CFAP58: variants seen among roughly 807,000 people sequenced by gnomAD.
The protein encoded by CFAP58 is cilia- and flagella-associated protein 58.
Under a neutral mutation model 119.5 loss-of-function variants are expected in CFAP58, and 88 were observed. The observed-to-expected ratio is 0.74, with a 90% confidence interval of 0.62 to 0.88. The LOEUF (loss-of-function observed/expected upper bound fraction) is 0.88. Among genes scored for constraint, CFAP58 ranks in the 40% least tolerant of loss-of-function variants. The probability of loss-of-function intolerance (pLI) is 0.00; values close to 1 mark genes in which losing one functional copy is unlikely to be tolerated. For synonymous variants in CFAP58, 365 were observed against 366.3 expected, an observed-to-expected ratio of 1.00 and a Z score of 0.04; for missense variants, 990 against 1,021.2, an observed-to-expected ratio of 0.97 and a Z score of 0.42.
At chr10:104,358,102 C>CATATATACACATATATATGTGCTT (rs2014617349) in intron 1 of CFAP58, among the ~76,000 whole-genome samples, 3 of 146,328 alleles carry the variant, frequency 2.1e-5, no homozygotes, top group African/African-American at 7.8e-5. Context: ...TATATATGTA[C>CATATATACACATATATATGTGCTT]ATATATACAC....
chr10:104,390,778 A>G (rs1327726374), intron 9 of CFAP58, among the ~76,000 whole-genome samples: 5 of 152,206 alleles, frequency 3.3e-5, no homozygotes, highest in Non-Finnish European at 7.3e-5. Flanking sequence ...TGTATATTTC[A>G]CATTTATGAA....
chr10:104,429,776 C>A lies in CFAP58; in HGVS notation c.2257-17922C>A, dbSNP rs149910755. 4.7e-3 allele frequency among the ~76,000 whole-genome samples: 713 copies of A among 152,270 alleles called. 1 individual carries two copies. The highest frequency in any genetic ancestry group is 0.037 in the Middle Eastern group (11 of 294). On this transcript the variant is annotated intron_variant, in intron 15 of 17. Coordinates refer to ENST00000369704, the MANE Select transcript of CFAP58 (RefSeq NM_001008723.2). Reference sequence around the variant, plus strand: ...TTTCATCTGTTGAGCTACTACCTACCCGGGTTGACTCTTGGGCTAGGCATA... The same window carrying A: ...TTTCATCTGTTGAGCTACTACCTACACGGGTTGACTCTTGGGCTAGGCATA...
intron 15 of CFAP58, among the ~76,000 whole-genome samples, chr10:104,430,353 A>G (rs1014046968): frequency 2.6e-5 from 4 of 152,224 alleles, no homozygotes; most frequent in African/African-American, 9.6e-5. Context: ...ACACAGGCTG[A>G]TCCAGTGATA....
chr10:104,354,267 A>C (rs2014510160), intron 1 of CFAP58, among the ~76,000 whole-genome samples: 1 of 152,182 alleles, frequency 6.6e-6, no homozygotes, highest in African/African-American at 2.4e-5. Context: ...CTTATCTCAC[A>C]GGGGAAACCG....
intron 9 of CFAP58, among the ~76,000 whole-genome samples, chr10:104,389,068 C>A (rs767937531): frequency 6.6e-6 from 1 of 152,186 alleles, no homozygotes; most frequent in East Asian, 1.9e-4. Context: ...CTAATGGGGA[C>A]AGCTTGCTGA....
At chr10:104,419,648 G>A (rs1019683185) in intron 15 of CFAP58, among the ~76,000 whole-genome samples, 5 of 151,338 alleles carry the variant, frequency 3.3e-5, no homozygotes, top group Non-Finnish European at 4.4e-5. Context: ...TGAGATGATG[G>A]TAAGAGGCAT....
intron 15 of CFAP58, among the ~76,000 whole-genome samples, chr10:104,408,524 T>G (rs2012402807): frequency 6.6e-6 from 1 of 152,230 alleles, no homozygotes; most frequent in African/African-American, 2.4e-5. Flanking sequence ...GGGTGGGACT[T>G]GGTCCCGGCA....
intron 1 of CFAP58, among the ~76,000 whole-genome samples, chr10:104,357,858 C>CGT (rs2014576236): frequency 1.3e-5 from 1 of 77,430 alleles, no homozygotes; most frequent in Non-Finnish European, 2.5e-5. Flanking sequence ...CACATATATA[C>CGT]ACATATATAC....
rs1236700235 is a variant in CFAP58 at position 104,368,579 on chromosome 10, G to C, written c.930+19G>C. 3 of 1,613,184 alleles carry C rather than the reference G, an allele frequency of 1.9e-6. No individual in the cohort carries two copies. The highest frequency in any genetic ancestry group is 2.5e-6 in the Non-Finnish European group (3 of 1,179,480). On this transcript the variant is annotated intron_variant, in intron 6 of 17. Coordinates refer to ENST00000369704, the MANE Select transcript of CFAP58 (RefSeq NM_001008723.2). ...GCTCAAAGTAAACACCAAGTTACAT[G>C]TCTGTTCCCTAGCTCTTTCTTCCTA...
intron 9 of CFAP58, among the ~76,000 whole-genome samples, chr10:104,383,476 A>G (rs1262543630): frequency 6.6e-6 from 1 of 152,176 alleles, no homozygotes; most frequent in Non-Finnish European, 1.5e-5. Flanking sequence ...ACAATTGTAT[A>G]TATTTCTTGG....
chr10:104,367,195 A>C (rs2014762034), intron 5 of CFAP58, among the ~76,000 whole-genome samples: 4 of 152,124 alleles, frequency 2.6e-5, no homozygotes, highest in Admixed American at 2.0e-4. Flanking sequence ...AAGTTTAGCA[A>C]ACTAGGGTCA....
intron 2 of CFAP58, among the ~76,000 whole-genome samples, 192 bp from the exon 3 acceptor site, chr10:104,361,831 C>A (rs2014670316): frequency 6.6e-6 from 1 of 152,208 alleles, no homozygotes; most frequent in Non-Finnish European, 1.5e-5. Flanking sequence ...GACTATAGGC[C>A]TGTACCACCA....
intron 15 of CFAP58, among the ~76,000 whole-genome samples, chr10:104,417,990 G>A (rs1018071225): frequency 1.3e-5 from 2 of 152,132 alleles, no homozygotes; most frequent in African/African-American, 4.8e-5. Context: ...CAAGAATGGT[G>A]TTTATATACT....
chr10:104,392,139 A>G (rs1168480690), intron 9 of CFAP58, 94 bp from the exon 10 acceptor site: 9 of 1,110,640 alleles, frequency 8.1e-6, no homozygotes, highest in African/African-American at 1.6e-5. Flanking sequence ...TGGCATCTCT[A>G]CCAGCCACCC....
At chr10:104,433,336 C>T (rs1270439240) in intron 15 of CFAP58, among the ~76,000 whole-genome samples, 1 of 152,186 alleles carries the variant, frequency 6.6e-6, no homozygotes. Context: ...GATCCTTCCA[C>T]CTTAGCCTCC....
chr10:104,345,190 A>T, the CFAP58 span, among the ~76,000 whole-genome samples: 1 of 152,046 alleles, frequency 6.6e-6, no homozygotes, highest in Non-Finnish European at 1.5e-5. Flanking sequence ...AATATAGCAG[A>T]TTTCATTTTA....
intron 16 of CFAP58, among the ~76,000 whole-genome samples, chr10:104,449,376 T>C (rs2013159563): frequency 6.6e-6 from 1 of 152,184 alleles, no homozygotes; most frequent in African/African-American, 2.4e-5. Context: ...CCCTTCCTTT[T>C]CTCTTTTTGG....
chr10:104,357,802 CACACATATATATGTACATATAT>C (rs1236688793), intron 1 of CFAP58, among the ~76,000 whole-genome samples: 1 of 135,980 alleles, frequency 7.4e-6, no homozygotes, highest in African/African-American at 3.3e-5. Flanking sequence ...CATATATATA[CACACATATATATGTACATATAT>C]ACACATATAT....
chr10:104,354,022 C>T, intron 1 of CFAP58, 116 bp downstream of exon 1: 1 of 1,283,650 alleles, frequency 7.8e-7, no homozygotes, highest in East Asian at 2.4e-5. Context: ...ACATCTTATT[C>T]CCCTGCACCC....
Sources: allele counts gnomAD v4.1 joint callset (sites outside exome capture counted in the v4.1 genomes callset), GRCh38; gene constraint gnomAD v4.1.1; transcripts MANE v1.5; gene names NCBI Gene and HGNC (gene_info 2026-07-23, HGNC 2026-07-21).